The following ASIC5 variants were observed in gnomAD, a reference collection of about 807,000 sequenced individuals.
ASIC5 encodes the protein acid sensing ion channel subunit family member 5, also known as bile acid-sensitive ion channel.
A neutral mutation model predicts 51.2 loss-of-function variants in ASIC5; 52 were observed. That is an observed-to-expected ratio of 1.02 (90% CI 0.81 to 1.28). ASIC5 has a LOEUF of 1.28. Ranked by LOEUF, ASIC5 falls within the 50% of genes most tolerant of loss-of-function variation. ASIC5 has a pLI of 0.00. For synonymous variants in ASIC5, 231 were observed against 200.7 expected (o/e 1.15, Z -1.28); for missense variants, 635 against 595.0 (o/e 1.07, Z -0.70).
chr4:155,863,402 T>C, intron 2 of ASIC5, 46 bp downstream of exon 2: 2 of 1,434,068 alleles, frequency 1.4e-6, no homozygotes, highest in Non-Finnish European at 1.9e-6. Context: ...AAGATTATAC[T>C]AGCAAATTTA....
chr4:155,859,803 AC>A (rs1333450151), intron 2 of ASIC5, among the ~76,000 whole-genome samples: 1 of 152,042 alleles, frequency 6.6e-6, no homozygotes, highest in East Asian at 1.9e-4. Context: ...TTAACTTGTC[AC>A]CCATCACAAA....
chr4:155,863,675 G>A lies in ASIC5; in HGVS notation c.120C>T (p.Asp40=). Residue 40 remains aspartate (D), a synonymous_variant, in exon 2 of 10, where the codon GAC becomes GAT. Coordinates refer to ENST00000537611, the MANE Select transcript of ASIC5 (RefSeq NM_017419.3). The part of the protein sequence containing the change: ...SPTERKKFDH[D]FAISTSFHGI... ...CATGAAAGGAAGTGGAGATGGCAAA[G>A]TCATGGTCAAACTTCTTTCGCTCAG... The A allele has an allele frequency of 6.2e-7, 1 of 1,613,904 alleles. No homozygotes were observed. The highest frequency in any genetic ancestry group is 8.5e-7 in the Non-Finnish European group (1 of 1,179,866).
At chr4:155,852,078 A>T in intron 4 of ASIC5, 113 bp downstream of exon 4, 1 of 1,262,484 alleles carries the variant, frequency 7.9e-7, no homozygotes, top group Non-Finnish European at 1.1e-6. Flanking sequence ...ATTAACAAAA[A>T]CTGAAATAAT....
chr4:155,851,948 C>G (rs1051394792), intron 4 of ASIC5, among the ~76,000 whole-genome samples: 3 of 151,908 alleles, frequency 2.0e-5, no homozygotes, highest in African/African-American at 7.2e-5. Flanking sequence ...CATGAACATT[C>G]CCTGGAGTCA....
chr4:155,838,903 T>G (rs749393009), intron 6 of ASIC5, 34 bp from the exon 7 acceptor site: 1 of 1,234,940 alleles, frequency 8.1e-7, no homozygotes, highest in Non-Finnish European at 1.2e-6. Context: ...ATAGAGACTT[T>G]ACATTTTGTA....
At position 155,843,843 on chromosome 4, in the gene ASIC5, T is replaced by A; in HGVS notation, c.712-13A>T. 1 of 1,612,924 alleles carries A rather than the reference T, an allele frequency of 6.2e-7. No individual in the cohort carries two copies. The highest frequency in any genetic ancestry group is 1.1e-5 in the South Asian group (1 of 91,030). On this transcript the variant is annotated splice_polypyrimidine_tract_variant and intron_variant, in intron 4 of 9. Coordinates refer to ENST00000537611, the MANE Select transcript of ASIC5 (RefSeq NM_017419.3). ...CAGTGAATGCCTCCTGAAACAAAAA[T>A]ATGTTTTTGCCCAAATTGCAAATTG... is the stretch of plus-strand genomic sequence containing the variant.
chr4:155,858,160 CA>C (rs1396848932), intron 2 of ASIC5, among the ~76,000 whole-genome samples: 5 of 151,936 alleles, frequency 3.3e-5, no homozygotes, highest in African/African-American at 1.2e-4. Flanking sequence ...ATTTTAGACA[CA>C]AAGACATTTG....
intron 2 of ASIC5, among the ~76,000 whole-genome samples, chr4:155,862,354 A>C (rs2110772601): frequency 6.6e-6 from 1 of 152,242 alleles, no homozygotes; most frequent in African/African-American, 2.4e-5. Flanking sequence ...ATGAAACACA[A>C]TGGAGTACTT....
At chr4:155,836,635 A>G in intron 8 of ASIC5, 54 bp downstream of exon 8, 1 of 1,099,256 alleles carries the variant, frequency 9.1e-7, no homozygotes, top group Non-Finnish European at 1.2e-6. Flanking sequence ...GTTTTCAATA[A>G]AGAAAAAAAA....
At chr4:155,835,290 G>A (rs533305483) in intron 8 of ASIC5, among the ~76,000 whole-genome samples, 2 of 151,980 alleles carry the variant, frequency 1.3e-5, no homozygotes, top group South Asian at 2.1e-4. Context: ...GCACCTGCCC[G>A]TCTGCATGCT....
At chr4:155,842,085 CACTTAATAAT>C (rs1741131230) in intron 6 of ASIC5, 112 bp downstream of exon 6, 2 of 931,048 alleles carry the variant, frequency 2.1e-6, no homozygotes, top group Non-Finnish European at 3.2e-6. Flanking sequence ...TCTGTAATTA[CACTTAATAAT>C]ACTTAATATT....
chr4:155,845,985 C>G (rs958214961), intron 4 of ASIC5, among the ~76,000 whole-genome samples: 2 of 151,802 alleles, frequency 1.3e-5, no homozygotes, highest in Admixed American at 1.3e-4. Context: ...ATTGGCATAC[C>G]TAATATGTCT....
At chr4:155,849,977 T>A (rs1376989920) in intron 4 of ASIC5, among the ~76,000 whole-genome samples, 1 of 151,980 alleles carries the variant, frequency 6.6e-6, no homozygotes, top group African/African-American at 2.4e-5. Flanking sequence ...TCATAGAACA[T>A]GAGACTTTGC....
chr4:155,854,041 T>G, intron 3 of ASIC5, 36 bp downstream of exon 3: 1 of 1,476,058 alleles, frequency 6.8e-7, no homozygotes, highest in Non-Finnish European at 9.4e-7. Flanking sequence ...CGGAACTTAT[T>G]ACTTTGATTA....
At chr4:155,859,536 G>T (rs1450845387) in intron 2 of ASIC5, among the ~76,000 whole-genome samples, 1 of 151,998 alleles carries the variant, frequency 6.6e-6, no homozygotes, top group Non-Finnish European at 1.5e-5. Context: ...TACTCACAAG[G>T]TGGTTAAACA....
At chr4:155,843,383 T>C (rs1741164295) in intron 5 of ASIC5, among the ~76,000 whole-genome samples, 1 of 152,116 alleles carries the variant, frequency 6.6e-6, no homozygotes, top group Non-Finnish European at 1.5e-5. Flanking sequence ...CCTTCCCAGA[T>C]AGTCTCATTG....
chr4:155,858,994 C>T (rs1366388926), intron 2 of ASIC5: 1 of 151,930 alleles, frequency 6.6e-6, no homozygotes, highest in Non-Finnish European at 1.5e-5. Context: ...AGTACAACTT[C>T]ATTTTACAGT....
intron 8 of ASIC5, among the ~76,000 whole-genome samples, chr4:155,835,428 GA>G (rs1230600924): frequency 1.5e-4 from 20 of 132,484 alleles, no homozygotes; most frequent in Admixed American, 2.3e-4. Flanking sequence ...AAAAAAAAAA[GA>G]AAAAAAAACA....
Position 155,833,018 on chromosome 4 carries a change from G to A in ASIC5, c.1236-1103C>T, listed in dbSNP as rs148821103. On this transcript the variant is annotated intron_variant, in intron 8 of 9. Coordinates refer to ENST00000537611, the MANE Select transcript of ASIC5 (RefSeq NM_017419.3). ...CTGCCACTCTCTCACAGCACTTAAT[G>A]CCATCTGACATGACTATATACAGTG... 3.5e-3 allele frequency among the ~76,000 whole-genome samples: 539 copies of A among 152,220 alleles called. 1 individual carries two copies. The highest frequency in any genetic ancestry group is 0.01 in the Middle Eastern group (3 of 294).
Sources: allele counts gnomAD v4.1 joint callset (sites outside exome capture counted in the v4.1 genomes callset), GRCh38; gene constraint gnomAD v4.1.1; transcripts MANE v1.5; gene names NCBI Gene and HGNC (gene_info 2026-07-23, HGNC 2026-07-21).